ARHGEF9: variants seen among roughly 807,000 people sequenced by gnomAD.
ARHGEF9 encodes rho guanine nucleotide exchange factor 9.
ARHGEF9 carries 2 observed loss-of-function variants against 41.3 expected under a neutral mutation model. That is an observed-to-expected ratio of 0.05 (90% CI 0.02 to 0.15). The LOEUF (loss-of-function observed/expected upper bound fraction) is 0.15, where lower values mean the gene tolerates loss of function less well. Among genes scored for constraint, ARHGEF9 ranks in the 10% least tolerant of loss-of-function variants. The probability of loss-of-function intolerance (pLI) is 1.00; values close to 1 mark genes in which losing one functional copy is unlikely to be tolerated. For synonymous variants in ARHGEF9, 160 were observed against 154.4 expected, an observed-to-expected ratio of 1.04 and a Z score of -0.27; for missense variants, 225 against 424.7, an observed-to-expected ratio of 0.53 and a Z score of 4.13.
intron 2 of ARHGEF9, among the ~76,000 whole-genome samples, chrX:63,722,400 G>T (rs1449864388): frequency 3.9e-5 from 4 of 103,578 alleles, no homozygotes; most frequent in Non-Finnish European, 5.9e-5. Flanking sequence ...GGTTCTTCTT[G>T]TTGTTTTTTG....
At chrX:63,643,624 C>T (rs1400979972) in intron 9 of ARHGEF9, among the ~76,000 whole-genome samples, 17 of 109,954 alleles carry the variant, frequency 1.5e-4, no homozygotes, top group African/African-American at 4.3e-4. Context: ...GGATTACAGG[C>T]GTGAGCCATC....
Position 63,638,040 on chromosome X carries a change from G to C in ARHGEF9, c.1560C>G (p.Pro520=). 1 of 1,207,705 alleles carries C rather than the reference G, an allele frequency of 8.3e-7. No homozygotes were observed. ...PFWQNFSRLT[P]FKK ...CTCCCTGTAGGTATCATTTTTTGAA[G>C]GGGGTTAACCTGCTGAAGTTTTGCC... Residue 520 remains proline, a synonymous_variant, in exon 10 of 10, where the codon CCC becomes CCG. Coordinates refer to ENST00000671741, the MANE Select transcript of ARHGEF9 (RefSeq NM_001353921.2).
chrX:63,643,883 C>A, intron 9 of ARHGEF9, 97 bp downstream of exon 9: 1 of 953,177 alleles, frequency 1.0e-6, no homozygotes, highest in African/African-American at 1.9e-5. Flanking sequence ...TCCACCACCC[C>A]CAAGTAAACC....
intron 2 of ARHGEF9, chrX:63,716,000 A>G (rs1359013782): frequency 2.7e-5 from 3 of 112,427 alleles, no homozygotes; most frequent in Non-Finnish European, 5.6e-5. Flanking sequence ...CAACTAAAAC[A>G]AGATTAGCCA....
intron 1 of ARHGEF9, among the ~76,000 whole-genome samples, chrX:63,783,599 T>G (rs1381157725): frequency 2.7e-5 from 3 of 111,699 alleles, no homozygotes; most frequent in Admixed American, 9.5e-5. Flanking sequence ...AAGAAAGTCC[T>G]TTCCCAAGAT....
Position 63,728,678 on chromosome X carries a change from G to A in ARHGEF9, c.31-3967C>T, listed in dbSNP as rs781830147. Among the ~76,000 whole-genome samples the A allele has an allele frequency of 3.6e-5, 4 of 112,284 alleles. No homozygotes were observed. The South Asian group carries it at 1.5e-3, about 42-fold the overall frequency. ...TGGGGGTAATAATGTTTGCCTCACA[G>A]GCAGGGTTATAGAGAGGGTGAACTC... On this transcript the variant is annotated intron_variant, in intron 1 of 9. Coordinates refer to ENST00000671741, the MANE Select transcript of ARHGEF9 (RefSeq NM_001353921.2).
At chrX:63,756,376 G>A (rs1602723504) in intron 1 of ARHGEF9, among the ~76,000 whole-genome samples, 1 of 112,036 alleles carries the variant, frequency 8.9e-6, no homozygotes, top group Middle Eastern at 4.6e-3. Flanking sequence ...ATACATGAAT[G>A]CTTATAACAG....
At chrX:63,782,511 A>G (rs1287943645) in intron 1 of ARHGEF9, among the ~76,000 whole-genome samples, 1 of 112,517 alleles carries the variant, frequency 8.9e-6, no homozygotes, top group Non-Finnish European at 1.9e-5. Context: ...ACAGTTTAGC[A>G]TCCTGTATCT....
chrX:63,719,939 G>A, intron 2 of ARHGEF9: 3 of 282,765 alleles, frequency 1.1e-5, no homozygotes, highest in South Asian at 4.7e-4. Flanking sequence ...GCAAACACAT[G>A]CAATAGCACA....
At chrX:63,735,866 GGAAGAT>G (rs1556422615) in intron 1 of ARHGEF9, among the ~76,000 whole-genome samples, 1 of 111,815 alleles carries the variant, frequency 8.9e-6, no homozygotes. Context: ...ATCAAAAAGT[GGAAGAT>G]AGTTTCCAGT....
chrX:63,774,720 C>A (rs1489421796), intron 1 of ARHGEF9, among the ~76,000 whole-genome samples: 8 of 111,494 alleles, frequency 7.2e-5, no homozygotes, highest in Admixed American at 5.8e-4. Context: ...ATATAAAAAC[C>A]CTAGAAGATA....
At chrX:63,711,560 T>C (rs1414449979) in intron 2 of ARHGEF9, among the ~76,000 whole-genome samples, 1 of 112,108 alleles carries the variant, frequency 8.9e-6, no homozygotes, top group African/African-American at 3.2e-5. Context: ...GGGGAAAATA[T>C]AGTTTTTTCA....
chrX:63,759,764 A>G (rs782626440), intron 1 of ARHGEF9, among the ~76,000 whole-genome samples: 2 of 112,164 alleles, frequency 1.8e-5, no homozygotes, highest in South Asian at 3.8e-4. Flanking sequence ...CAACAACTCT[A>G]TGAGGTAGGT....
rs2052542136 is a variant in ARHGEF9, at chrX:63,706,336, G to T, written c.324C>A (p.Asp108Glu). Residue 108 changes from aspartate (D) to glutamate (E), a missense_variant, in exon 3 of 10, where the codon GAC becomes GAA. Asp to Glu is a conservative substitution (Grantham distance 45). Coordinates refer to ENST00000671741, the MANE Select transcript of ARHGEF9 (RefSeq NM_001353921.2). ...LCLGRPLQNR[D>E]QMRANVINEI... ...CATTGATGACATTGGCCCGCATCTG[G>T]TCCCGGTTCTGTAGTGGCCGCCCCA... 1 of 1,205,245 alleles carries T rather than the reference G, an allele frequency of 8.3e-7. No individual in the cohort carries two copies. Among genetic ancestry groups the T allele is most frequent in the Admixed American group, 2.2e-5 (1 of 45,448 alleles).
chrX:63,711,749 A>C (rs186534962), intron 2 of ARHGEF9, among the ~76,000 whole-genome samples: 245 of 112,267 alleles, frequency 2.2e-3, no homozygotes, highest in Middle Eastern at 0.019. Context: ...AGTTTCTTAG[A>C]TATGACACCT....
At chrX:63,672,248 C>A (rs2050005577) in intron 6 of ARHGEF9, among the ~76,000 whole-genome samples, 1 of 110,592 alleles carries the variant, frequency 9.0e-6, no homozygotes, top group African/African-American at 3.3e-5. Flanking sequence ...TTGGACTTCC[C>A]AGCTTCCACA....
intron 7 of ARHGEF9, among the ~76,000 whole-genome samples, chrX:63,656,029 A>T (rs1243859229): frequency 8.9e-6 from 1 of 112,061 alleles, no homozygotes; most frequent in Non-Finnish European, 1.9e-5. Flanking sequence ...AGTAAGCCAC[A>T]TAAACACGGC....
At position 63,764,592 on chromosome X, in the gene ARHGEF9, G is replaced by A. The variant is rs143228696; in HGVS notation, c.30+20524C>T. ...CCCAAATGCCCATCAATGATAGGCC[G>A]GATAAAGAAAATGTAGTACATATAC... On this transcript the variant is annotated intron_variant, in intron 1 of 9. Transcript: ENST00000671741. Among the ~76,000 whole-genome samples, 314 of 112,190 alleles carry A rather than the reference G, an allele frequency of 2.8e-3. 3 individuals carry two copies. The highest frequency in any genetic ancestry group is 1.0e-2 in the African/African-American group (308 of 30,887).
intron 3 of ARHGEF9, among the ~76,000 whole-genome samples, chrX:63,702,278 C>T (rs1247738310): frequency 8.9e-6 from 1 of 112,347 alleles, no homozygotes; most frequent in Non-Finnish European, 1.9e-5. Context: ...GTTAGCTCTG[C>T]TTACTCTTGC....
Sources: allele counts gnomAD v4.1 joint callset (sites outside exome capture counted in the v4.1 genomes callset), GRCh38; gene constraint gnomAD v4.1.1; transcripts MANE v1.5; gene names NCBI Gene and HGNC (gene_info 2026-07-23, HGNC 2026-07-21).